The following DPH6 variants were observed in gnomAD, a reference collection of about 807,000 sequenced individuals.
DPH6 encodes diphthamine biosynthesis 6.
DPH6 carries 33 observed loss-of-function variants against 38.2 expected under a neutral mutation model. The observed-to-expected ratio is 0.86, with a 90% CI of 0.65 to 1.15. DPH6 has a LOEUF of 1.15. Ranked by LOEUF, DPH6 falls within the 50% of genes most tolerant of loss-of-function variation. The pLI is 0.00. For missense variants in DPH6, 325 were observed against 320.0 expected, an observed-to-expected ratio of 1.02 and a Z score of -0.12; for synonymous variants, 108 against 103.0, an observed-to-expected ratio of 1.05 and a Z score of -0.30.
intron 3 of DPH6, among the ~76,000 whole-genome samples, chr15:35,350,087 T>C (rs2052496871): frequency 6.6e-6 from 1 of 152,212 alleles, no homozygotes; most frequent in Non-Finnish European, 1.5e-5. Flanking sequence ...AAGCTTTTCC[T>C]TGTTGGGACC....
At chr15:35,271,261 C>T (rs1361946449) in intron 3 of DPH6, among the ~76,000 whole-genome samples, 1 of 152,066 alleles carries the variant, frequency 6.6e-6, no homozygotes, top group East Asian at 1.9e-4. Context: ...AACAAACAAA[C>T]ACACAAACAG....
downstream of DPH6, chr15:35,365,963 G>C (rs2052654720): frequency 3.0e-6 from 3 of 985,128 alleles, no homozygotes; most frequent in South Asian, 1.4e-4. Context: ...TCACTTTTCT[G>C]CTCCTTAGCC....
chr15:35,286,049 G>C (rs147288215), intron 3 of DPH6, among the ~76,000 whole-genome samples: 3 of 151,908 alleles, frequency 2.0e-5, no homozygotes, highest in African/African-American at 7.2e-5. Flanking sequence ...AGACAAGCTA[G>C]TGAAAGCAGA....
intron 2 of DPH6, among the ~76,000 whole-genome samples, chr15:35,538,733 T>C (rs1456751548): frequency 6.6e-6 from 1 of 152,160 alleles, no homozygotes; most frequent in African/African-American, 2.4e-5. Context: ...GTACCATATA[T>C]GGTAAACATT....
chr15:35,150,780 A>G, the DPH6 span, among the ~76,000 whole-genome samples: 5 of 152,244 alleles, frequency 3.3e-5, no homozygotes, highest in Admixed American at 3.3e-4. Flanking sequence ...CATGTAAACA[A>G]TAACTAAGAT....
At chr15:35,218,079 G>A (rs930170366) in exon 4 of DPH6, 3 of 151,800 alleles carry the variant, frequency 2.0e-5, no homozygotes, top group African/African-American at 7.3e-5. Flanking sequence ...TTCAGTCCTC[G>A]GTTGAATCCA....
intron 3 of DPH6, among the ~76,000 whole-genome samples, chr15:35,496,002 A>G (rs113153670): frequency 6.6e-6 from 1 of 152,336 alleles, no homozygotes; most frequent in Non-Finnish European, 1.5e-5. Context: ...CTATGGGGAA[A>G]AAAATGAATC....
chr15:35,268,109 G>C (rs1037516000), intron 3 of DPH6, among the ~76,000 whole-genome samples: 2 of 151,940 alleles, frequency 1.3e-5, no homozygotes, highest in Non-Finnish European at 2.9e-5. Flanking sequence ...GGCAGAGCTT[G>C]CAGTGAGCCG....
chr15:35,384,234 A>C (rs1003931204), intron 6 of DPH6, among the ~76,000 whole-genome samples: 2 of 152,112 alleles, frequency 1.3e-5, no homozygotes, highest in African/African-American at 4.8e-5. Context: ...TTGTAATGAA[A>C]AATACTAAAT....
chr15:35,528,514 A>G (rs1471037599), intron 3 of DPH6, among the ~76,000 whole-genome samples: 1 of 152,126 alleles, frequency 6.6e-6, no homozygotes, highest in Non-Finnish European at 1.5e-5. Flanking sequence ...CAATCTCTCT[A>G]GAATGTCCCC....
chr15:35,517,543 T>C (rs2054863895), intron 3 of DPH6, among the ~76,000 whole-genome samples: 1 of 152,166 alleles, frequency 6.6e-6, no homozygotes, highest in African/African-American at 2.4e-5. Context: ...CTACCATATT[T>C]GGTTATTGAG....
chr15:35,498,925 C>T (rs923209544), intron 3 of DPH6, among the ~76,000 whole-genome samples: 5 of 130,976 alleles, frequency 3.8e-5, no homozygotes, highest in Admixed American at 3.4e-4. Flanking sequence ...CTGAGCAACA[C>T]AGCAAGGCCT....
intron 3 of DPH6, among the ~76,000 whole-genome samples, chr15:35,481,338 T>C (rs1474608111): frequency 6.6e-6 from 1 of 152,110 alleles, no homozygotes; most frequent in East Asian, 1.9e-4. Context: ...ACAAGTAACC[T>C]GTTTTATTGA....
At position 35,245,308 on chromosome 15, in the gene DPH6, G is replaced by A. The variant is rs188908075; in HGVS notation, n.201-24726C>T. Among the ~76,000 whole-genome samples, 317 of 138,228 alleles carry A rather than the reference G, an allele frequency of 2.3e-3. 1 individual carries two copies. The highest frequency in any genetic ancestry group is 7.9e-3 in the African/African-American group (289 of 36,750). The allele number at this position is 138,228 out of a possible 152,430, so 90.7% of individuals were successfully genotyped here. A position where few individuals can be genotyped will look rare whatever the true frequency, so the allele number is the denominator to read the frequency against. On this transcript the variant is annotated intron_variant and non_coding_transcript_variant, in intron 3 of 3. Coordinates refer to the DPH6 transcript ENST00000560386. ...GGCTGGAGTGCAGTGGTGCCATCTC[G>A]GCTCACTGCAAGCTCCGCCTCCCGG... is the stretch of plus-strand genomic sequence containing the variant.
intron 3 of DPH6, among the ~76,000 whole-genome samples, chr15:35,335,692 G>T (rs1595485001): frequency 6.6e-6 from 1 of 151,934 alleles, no homozygotes; most frequent in Admixed American, 6.6e-5. Context: ...TCAGATGATT[G>T]TATGTGTGCA....
intron 3 of DPH6, among the ~76,000 whole-genome samples, chr15:35,246,252 C>T (rs180739677): frequency 2.0e-5 from 3 of 152,166 alleles, no homozygotes; most frequent in African/African-American, 4.8e-5. Flanking sequence ...CAGGGACGCA[C>T]GTGAAAGTAA....
At chr15:35,312,328 T>C (rs1469475850) in intron 3 of DPH6, among the ~76,000 whole-genome samples, 2 of 152,196 alleles carry the variant, frequency 1.3e-5, no homozygotes, top group Admixed American at 6.5e-5. Context: ...GAGCAAGGTT[T>C]TTCCACAGTC....
At position 35,436,515 on chromosome 15, in the gene DPH6, A is replaced by AAACAAAC. The variant is rs1264935944; in HGVS notation, c.505+14169_505+14170insGTTTGTT. Among the ~76,000 whole-genome samples, 66 of 117,278 alleles carry AAACAAAC rather than the reference A, an allele frequency of 5.6e-4. 5 individuals carry two copies. The highest frequency in any genetic ancestry group is 1.8e-3 in the African/African-American group (53 of 29,764). 76.9% of individuals were successfully genotyped at this position (117,278 alleles called of 152,430 possible). A position where few individuals can be genotyped will look rare whatever the true frequency, so the allele number is the denominator to read the frequency against. On this transcript the variant is annotated intron_variant, in intron 5 of 8. Coordinates refer to ENST00000256538, the MANE Select transcript of DPH6 (RefSeq NM_080650.4). ...AAAACAAAACAAAACAAAACAAAAC[A>AAACAAAC]AAAAAGGTTCTCTCCCTGTTCGTCA...
chr15:35,277,444 C>A (rs1224304919), intron 3 of DPH6, among the ~76,000 whole-genome samples: 1 of 152,020 alleles, frequency 6.6e-6, no homozygotes, highest in East Asian at 1.9e-4. Context: ...GCTCTCCAGC[C>A]TCAGGTATTT....
Sources: allele counts gnomAD v4.1 joint callset (sites outside exome capture counted in the v4.1 genomes callset), GRCh38; gene constraint gnomAD v4.1.1; transcripts MANE v1.5; gene names NCBI Gene and HGNC (gene_info 2026-07-23, HGNC 2026-07-21).